The following TMEM108 variants were observed in gnomAD, a reference collection of about 807,000 sequenced individuals.
TMEM108 encodes transmembrane protein 108, also known as cancer/testis antigen 124.
In TMEM108, 12 loss-of-function variants were observed where a neutral mutation model predicts 35.1. That is an observed-to-expected ratio of 0.34 (90% confidence interval 0.22 to 0.55). The LOEUF (loss-of-function observed/expected upper bound fraction) is 0.55, where lower values mean the gene tolerates loss of function less well. TMEM108 is among the 20% of genes least tolerant of loss of function. TMEM108 has a pLI of 0.89. For synonymous variants in TMEM108, 287 were observed against 308.6 expected (o/e 0.93, Z 0.73); for missense variants, 680 against 753.3 (o/e 0.90, Z 1.14).
intron 3 of TMEM108, among the ~76,000 whole-genome samples, chr3:133,254,546 G>C (rs1576414577): frequency 6.6e-6 from 1 of 152,186 alleles, no homozygotes; most frequent in South Asian, 2.1e-4. Flanking sequence ...TCGAATATGT[G>C]ATCTCAGTAA....
At chr3:133,303,714 A>G (rs1239080139) in intron 3 of TMEM108, among the ~76,000 whole-genome samples, 1 of 152,238 alleles carries the variant, frequency 6.6e-6, no homozygotes, top group Non-Finnish European at 1.5e-5. Context: ...ATCAAATCAC[A>G]TGTAATAATA....
At chr3:133,072,201 A>G (rs757268963) in intron 2 of TMEM108, among the ~76,000 whole-genome samples, 1 of 152,204 alleles carries the variant, frequency 6.6e-6, no homozygotes, top group Non-Finnish European at 1.5e-5. Context: ...CATTTGGGAA[A>G]GAGATCCCTG....
chr3:133,345,802 G>C (rs2071800879), intron 3 of TMEM108, among the ~76,000 whole-genome samples: 1 of 151,894 alleles, frequency 6.6e-6, no homozygotes, highest in Non-Finnish European at 1.5e-5. Flanking sequence ...GAGATGTTCT[G>C]CATCTTGATT....
At chr3:133,310,420 CTCT>C (rs1352483311) in intron 3 of TMEM108, among the ~76,000 whole-genome samples, 1 of 151,328 alleles carries the variant, frequency 6.6e-6, no homozygotes, top group African/African-American at 2.4e-5. Context: ...GGATAATTAG[CTCT>C]TCTTGTTGAA....
intron 2 of TMEM108, among the ~76,000 whole-genome samples, chr3:133,144,121 T>G (rs1244229570): frequency 6.6e-6 from 1 of 152,014 alleles, no homozygotes; most frequent in Admixed American, 6.6e-5. Flanking sequence ...GTCTCTCCCC[T>G]AGCCGCCCAC....
At chr3:133,076,824 T>C (rs1943748252) in intron 2 of TMEM108, among the ~76,000 whole-genome samples, 1 of 152,244 alleles carries the variant, frequency 6.6e-6, no homozygotes, top group Non-Finnish European at 1.5e-5. Flanking sequence ...CTCTTTGGGT[T>C]GCGCCACCTT....
intron 2 of TMEM108, among the ~76,000 whole-genome samples, chr3:133,061,680 G>A (rs1576297977): frequency 6.6e-6 from 1 of 152,148 alleles, no homozygotes; most frequent in Non-Finnish European, 1.5e-5. Context: ...ATAAAACTAG[G>A]GGATATGAAT....
At chr3:133,171,834 C>T (rs1945134873) in intron 2 of TMEM108, among the ~76,000 whole-genome samples, 1 of 152,174 alleles carries the variant, frequency 6.6e-6, no homozygotes, top group African/African-American at 2.4e-5. Flanking sequence ...ATGAGCCAAG[C>T]ATACATCACT....
chr3:133,187,184 T>G (rs1945433139), intron 2 of TMEM108, among the ~76,000 whole-genome samples: 1 of 152,216 alleles, frequency 6.6e-6, no homozygotes. Context: ...GATTCACATA[T>G]GCAGAACTGT....
chr3:133,157,126 T>A (rs917398669), intron 2 of TMEM108, among the ~76,000 whole-genome samples: 14 of 152,238 alleles, frequency 9.2e-5, no homozygotes, highest in African/African-American at 3.4e-4. Flanking sequence ...TTTAGATATG[T>A]TATACATGTA....
At chr3:133,053,133 C>A (rs762479298) in intron 2 of TMEM108, among the ~76,000 whole-genome samples, 36 of 152,250 alleles carry the variant, frequency 2.4e-4, no homozygotes, top group Middle Eastern at 3.4e-3. Context: ...GCAAGACTTG[C>A]TTTCAGAGGC....
chr3:133,265,323 T>C (rs1273255711), intron 3 of TMEM108, among the ~76,000 whole-genome samples: 1 of 152,194 alleles, frequency 6.6e-6, no homozygotes, highest in African/African-American at 2.4e-5. Context: ...TTTGAAATAG[T>C]TCATTTTAAA....
intron 3 of TMEM108, among the ~76,000 whole-genome samples, chr3:133,308,531 TTCCA>T (rs2071077995): frequency 6.6e-6 from 1 of 152,174 alleles, no homozygotes; most frequent in South Asian, 2.1e-4. Context: ...TTGAGATATG[TTCCA>T]TCAATACCTA....
chr3:133,356,254 A>G (rs2072164288), intron 3 of TMEM108, among the ~76,000 whole-genome samples: 1 of 123,092 alleles, frequency 8.1e-6, no homozygotes. Context: ...CCCTAGGAAT[A>G]TACTTAACCA....
intron 2 of TMEM108, among the ~76,000 whole-genome samples, chr3:133,203,200 G>A (rs991219375): frequency 1.3e-5 from 2 of 152,142 alleles, no homozygotes; most frequent in African/African-American, 2.4e-5. Context: ...GGGCTGAGAC[G>A]ATGGGGTTTT....
At position 133,060,846 on chromosome 3, in the gene TMEM108, G is replaced by A. The variant is rs536266546; in HGVS notation, c.-47+14826G>A. ...ACCCACTACATATTTGTGTTTGTAC[G>A]AAAAAAAACTAGAAATAACCTAAAT... On this transcript the variant is annotated intron_variant, in intron 2 of 5. Transcript: ENST00000321871. 5.9e-5 allele frequency among the ~76,000 whole-genome samples: 9 copies of A among 151,780 alleles called. No homozygotes were observed. The South Asian group carries it at 8.3e-4, about 14-fold the overall frequency.
At chr3:133,080,002 A>G (rs1034950864) in intron 2 of TMEM108, among the ~76,000 whole-genome samples, 3 of 152,142 alleles carry the variant, frequency 2.0e-5, no homozygotes, top group Non-Finnish European at 4.4e-5. Flanking sequence ...TCTTCTTGCT[A>G]CAGGCCAAGG....
In TMEM108 at chr3:133,378,803, CTTTTTTTT is replaced by C. The variant is rs34139600; in HGVS notation, c.41-937_41-930del. Among the ~76,000 whole-genome samples, 7 of 134,424 alleles carry C rather than the reference CTTTTTTTT, an allele frequency of 5.2e-5. No individual in the cohort carries two copies. In the South Asian group the frequency reaches 1.2e-3, roughly 24 times the overall value. 88.2% of individuals were successfully genotyped at this position (134,424 alleles called of 152,430 possible). The stretch of plus-strand genomic sequence containing the variant: ...TGCACATTGGCTATCATACAAAATC[CTTTTTTTT>C]TTTTTTTTTTTAATGTTCAAAAGGG... On this transcript the variant is annotated intron_variant, in intron 3 of 5. Transcript: ENST00000321871.
chr3:133,274,598 C>T (rs1197017662), intron 3 of TMEM108, among the ~76,000 whole-genome samples: 1 of 152,142 alleles, frequency 6.6e-6, no homozygotes, highest in East Asian at 1.9e-4. Flanking sequence ...AGATTTGTTT[C>T]TCTGTGAATT....
Sources: allele counts gnomAD v4.1 joint callset (sites outside exome capture counted in the v4.1 genomes callset), GRCh38; gene constraint gnomAD v4.1.1; transcripts MANE v1.5; gene names NCBI Gene and HGNC (gene_info 2026-07-23, HGNC 2026-07-21).